The following RNF125 variants were observed in gnomAD, a reference collection of about 807,000 sequenced individuals.
RNF125 encodes the protein E3 ubiquitin-protein ligase RNF125.
In RNF125, 21 loss-of-function variants were observed where a neutral mutation model predicts 26.0. That is an observed-to-expected ratio of 0.81 (90% CI 0.57 to 1.16). The LOEUF is 1.16. RNF125 is among the 50% of genes most tolerant of loss of function. The pLI is 0.00. For synonymous variants in RNF125, 95 were observed against 109.2 expected (o/e 0.87, Z 0.81); for missense variants, 270 against 299.4 (o/e 0.90, Z 0.72).
downstream of RNF125, among the ~76,000 whole-genome samples, chr18:32,073,886 A>G (rs566030927): frequency 2.0e-4 from 30 of 152,336 alleles, no homozygotes; most frequent in African/African-American, 7.0e-4. Flanking sequence ...AGGGACACTC[A>G]TGTCTGAGAT....
chr18:32,061,063 C>T (rs1363127753), intron 4 of RNF125, among the ~76,000 whole-genome samples: 1 of 152,094 alleles, frequency 6.6e-6, no homozygotes, highest in African/African-American at 2.4e-5. Flanking sequence ...CTTGCTCTGG[C>T]GCCCAGGCTG....
the RNF125 span, among the ~76,000 whole-genome samples, chr18:32,082,381 TTTATA>T: frequency 1.3e-5 from 2 of 152,120 alleles, no homozygotes; most frequent in Non-Finnish European, 2.9e-5. Flanking sequence ...TATATTTGTA[TTTATA>T]TTATATGTAT....
chr18:32,035,741 G>A (rs2039146032), intron 1 of RNF125, among the ~76,000 whole-genome samples: 1 of 152,192 alleles, frequency 6.6e-6, no homozygotes, highest in Admixed American at 6.5e-5. Flanking sequence ...CACCACCAAG[G>A]ATGGTAAGCA....
chr18:32,072,399 C>G lies in RNF125; in HGVS notation c.*4015C>G, dbSNP rs2039541404. The G allele has an allele frequency of 6.6e-6, 1 of 152,150 alleles. No individual in the cohort carries two copies. The highest frequency in any genetic ancestry group is 6.5e-5 in the Admixed American group (1 of 15,268). 9.4% of individuals were successfully genotyped at this position (152,150 alleles called of 1,614,324 possible). ...AAACTTTTGTTAATTCAGAGCGATACAAAAGGCACTTTGAATCTATAAAAC... is the reference window on the plus strand; with the variant it reads ...AAACTTTTGTTAATTCAGAGCGATAGAAAAGGCACTTTGAATCTATAAAAC... On this transcript the variant is annotated 3_prime_UTR_variant, in exon 6 of 6. Coordinates refer to ENST00000217740, the MANE Select transcript of RNF125 (RefSeq NM_017831.4).
the RNF125 span, among the ~76,000 whole-genome samples, chr18:32,090,212 C>A: frequency 6.6e-6 from 1 of 152,148 alleles, no homozygotes; most frequent in Non-Finnish European, 1.5e-5. Flanking sequence ...TTCCACTGCA[C>A]CCCAGCCTGG....
chr18:32,049,863 A>G lies in RNF125; in HGVS notation c.504+4131A>G, dbSNP rs2039306804. Among the ~76,000 whole-genome samples, 3 of 152,218 alleles carry G rather than the reference A, an allele frequency of 2.0e-5. No individual in the cohort carries two copies. The South Asian group carries it at 6.2e-4, about 32-fold the overall frequency. On this transcript the variant is annotated intron_variant, in intron 4 of 5. Coordinates refer to ENST00000217740, the MANE Select transcript of RNF125 (RefSeq NM_017831.4). Reference sequence around the variant, plus strand: ...TCATGATTTACCCCATGGTTAGGAAAAGGCAGGGGACAGATATGTGGTATA... The same window carrying G: ...TCATGATTTACCCCATGGTTAGGAAGAGGCAGGGGACAGATATGTGGTATA...
chr18:32,088,756 T>G, the RNF125 span, among the ~76,000 whole-genome samples: 1 of 152,160 alleles, frequency 6.6e-6, no homozygotes, highest in Non-Finnish European at 1.5e-5. Context: ...TGCCTCGGCC[T>G]CCCAGAGTGC....
chr18:32,065,077 G>C (rs757712032), intron 4 of RNF125, among the ~76,000 whole-genome samples: 12 of 152,152 alleles, frequency 7.9e-5, no homozygotes, highest in Non-Finnish European at 1.5e-4. Flanking sequence ...ATATGAGCAA[G>C]AAATGCATAT....
chr18:32,039,173 G>A (rs577712722), intron 2 of RNF125, among the ~76,000 whole-genome samples: 34 of 151,782 alleles, frequency 2.2e-4, no homozygotes, highest in African/African-American at 6.5e-4. Context: ...AGCCCGAGGC[G>A]GGAGGATTGC....
At chr18:32,039,378 A>G (rs1300942449) in intron 2 of RNF125, among the ~76,000 whole-genome samples, 2 of 152,106 alleles carry the variant, frequency 1.3e-5, no homozygotes, top group African/African-American at 4.8e-5. Flanking sequence ...CTTGGGCAAC[A>G]TAGCAAGACT....
chr18:32,084,094 A>G, the RNF125 span, among the ~76,000 whole-genome samples: 101,987 of 151,850 alleles, frequency 0.67, 34,452 homozygotes, highest in Admixed American at 0.75. Context: ...GGTGGCTTAC[A>G]CCTGTAATCC....
At chr18:32,047,599 C>G (rs1285089169) in intron 4 of RNF125, among the ~76,000 whole-genome samples, 2 of 151,888 alleles carry the variant, frequency 1.3e-5, no homozygotes, top group Non-Finnish European at 2.9e-5. Context: ...TTTAATTTAC[C>G]CTGGCTCAAC....
chr18:32,060,860 A>T (rs542827025), intron 4 of RNF125, among the ~76,000 whole-genome samples: 1 of 152,304 alleles, frequency 6.6e-6, no homozygotes, highest in South Asian at 2.1e-4. Context: ...TGAAGACTCC[A>T]CTAGTTGCCT....
chr18:32,061,127 C>T (rs1370551708), intron 4 of RNF125, among the ~76,000 whole-genome samples: 2 of 152,156 alleles, frequency 1.3e-5, no homozygotes, highest in Non-Finnish European at 2.9e-5. Context: ...TGGGTTCACG[C>T]CATTCTCCTG....
intron 1 of RNF125, 46 bp downstream of exon 1, chr18:32,019,073 G>A: frequency 6.3e-7 from 1 of 1,595,938 alleles, no homozygotes; most frequent in South Asian, 1.1e-5. Flanking sequence ...TAAGGAGGGC[G>A]ATGTGGGGAA....
chr18:32,083,904 G>GA, the RNF125 span, among the ~76,000 whole-genome samples: 65 of 139,060 alleles, frequency 4.7e-4, no homozygotes, highest in African/African-American at 1.6e-3. Flanking sequence ...ACCCTGTCTC[G>GA]AAAAAAAAAA....
chr18:32,082,924 C>T, the RNF125 span, among the ~76,000 whole-genome samples: 1 of 152,164 alleles, frequency 6.6e-6, no homozygotes, highest in Non-Finnish European at 1.5e-5. Context: ...GGGTAGTCTC[C>T]TCTAATGTCC....
chr18:32,083,010 C>G, the RNF125 span, among the ~76,000 whole-genome samples: 1 of 152,220 alleles, frequency 6.6e-6, no homozygotes, highest in Non-Finnish European at 1.5e-5. Flanking sequence ...GGCAATAGAG[C>G]TCTCACTGTT....
intron 4 of RNF125, among the ~76,000 whole-genome samples, chr18:32,051,186 T>C (rs1232764803): frequency 1.3e-5 from 2 of 152,154 alleles, no homozygotes; most frequent in Non-Finnish European, 1.5e-5. Context: ...TGCATATTCA[T>C]TTCATGTCTG....
Sources: allele counts gnomAD v4.1 joint callset (sites outside exome capture counted in the v4.1 genomes callset), GRCh38; gene constraint gnomAD v4.1.1; transcripts MANE v1.5; gene names NCBI Gene and HGNC (gene_info 2026-07-23, HGNC 2026-07-21).